MUSK: variants seen among roughly 807,000 people sequenced by gnomAD.
The protein encoded by MUSK is muscle associated receptor tyrosine kinase, also known as muscle, skeletal receptor tyrosine-protein kinase.
Under a neutral mutation model 88.7 loss-of-function variants are expected in MUSK, and 55 were observed. That is an observed-to-expected ratio of 0.62 (90% CI 0.50 to 0.78). The LOEUF (loss-of-function observed/expected upper bound fraction) is 0.78. Among genes scored for constraint, MUSK ranks in the 30% least tolerant of loss-of-function variants. The pLI is 0.00. For missense variants in MUSK, 1,015 were observed against 1,074.3 expected, an observed-to-expected ratio of 0.94 and a Z score of 0.77; for synonymous variants, 387 against 391.9, an observed-to-expected ratio of 0.99 and a Z score of 0.15.
At chr9:110,683,635 C>G (rs554388236) in intron 2 of MUSK, among the ~76,000 whole-genome samples, 1 of 152,048 alleles carries the variant, frequency 6.6e-6, no homozygotes, top group Non-Finnish European at 1.5e-5. Context: ...CACATCCTTG[C>G]GAGCATTTGT....
intron 5 of MUSK, among the ~76,000 whole-genome samples, chr9:110,713,180 A>T (rs185062960): frequency 8.9e-4 from 136 of 152,304 alleles, no homozygotes; most frequent in Non-Finnish European, 1.5e-3. Context: ...TAGTGGTGCT[A>T]TAAAAACAGA....
At chr9:110,689,226 TATAA>T (rs1480605623) in intron 3 of MUSK, among the ~76,000 whole-genome samples, 94 of 50,708 alleles carry the variant, frequency 1.9e-3, no homozygotes, top group African/African-American at 0.015. Context: ...ATATATAATA[TATAA>T]ATATATAAAT....
chr9:110,756,287 T>C (rs2077323386), intron 7 of MUSK, among the ~76,000 whole-genome samples: 1 of 151,734 alleles, frequency 6.6e-6, no homozygotes, highest in Non-Finnish European at 1.5e-5. Flanking sequence ...ATGTGGGAGA[T>C]TCTTTACTGG....
intron 1 of MUSK, among the ~76,000 whole-genome samples, chr9:110,670,403 A>G (rs1176573592): frequency 2.6e-5 from 4 of 152,196 alleles, no homozygotes; most frequent in African/African-American, 7.2e-5. Context: ...CATAAAAATG[A>G]TAGGGTTAAA....
At chr9:110,686,126 G>T (rs971572655) in intron 2 of MUSK, among the ~76,000 whole-genome samples, 2 of 152,102 alleles carry the variant, frequency 1.3e-5, no homozygotes, top group African/African-American at 2.4e-5. Context: ...GGAGGCTCTA[G>T]GGAAGAATCT....
rs41279051 is a variant in MUSK at position 110,697,375 on chromosome 9, C to A, written c.537C>A (p.Asn179Lys). The change falls in exon 5 of 15, where the codon AAC (asparagine) becomes AAA (lysine). Residue 179 changes from asparagine (N) to lysine (K), a missense_variant. By Grantham distance (94) the Asn-to-Lys change is moderately conservative. Coordinates refer to ENST00000374448, the MANE Select transcript of MUSK (RefSeq NM_005592.4). ...VLESGSLRIH[N>K]VQKEDAGQYR... ...AATCTGGGAGCTTGAGGATTCATAA[C>A]GTACAAAAGGAAGATGCAGGACAGT... The A allele has an allele frequency of 1.2e-6, 2 of 1,612,376 alleles. No individual in the cohort carries two copies. Among genetic ancestry groups the A allele is most frequent in the Non-Finnish European group, 1.7e-6 (2 of 1,179,040 alleles).
At chr9:110,787,280 T>A (rs1191836643) in intron 13 of MUSK, among the ~76,000 whole-genome samples, 1 of 144,948 alleles carries the variant, frequency 6.9e-6, no homozygotes, top group East Asian at 2.0e-4. Flanking sequence ...GAGAATGGTG[T>A]GAACCCAGTA....
At chr9:110,700,581 TG>T (rs2076488528) in intron 5 of MUSK, among the ~76,000 whole-genome samples, 1 of 152,120 alleles carries the variant, frequency 6.6e-6, no homozygotes, top group Non-Finnish European at 1.5e-5. Flanking sequence ...GAGCTATGTT[TG>T]GTGTGTAGAT....
At chr9:110,701,274 G>A (rs1488081371) in intron 5 of MUSK, among the ~76,000 whole-genome samples, 1 of 152,108 alleles carries the variant, frequency 6.6e-6, no homozygotes. Flanking sequence ...TCCCTCCAGT[G>A]TTGCTCTGCT....
At chr9:110,767,006 A>C (rs964561181) in intron 8 of MUSK, among the ~76,000 whole-genome samples, 3 of 152,244 alleles carry the variant, frequency 2.0e-5, no homozygotes, top group African/African-American at 7.2e-5. Context: ...GTCTTCAGTT[A>C]TTATAGCAGA....
chr9:110,674,631 T>G (rs1277027319), intron 1 of MUSK, among the ~76,000 whole-genome samples: 4 of 152,168 alleles, frequency 2.6e-5, no homozygotes, highest in Admixed American at 6.5e-5. Context: ...ATTTTAGAGA[T>G]AGAGTCTTGC....
At chr9:110,693,802 AG>A (rs1316098010) in intron 3 of MUSK, among the ~76,000 whole-genome samples, 1 of 152,180 alleles carries the variant, frequency 6.6e-6, no homozygotes, top group Non-Finnish European at 1.5e-5. Flanking sequence ...GATCTTGTTC[AG>A]GGAACCTATG....
rs2078077132 is a variant in MUSK, at chr9:110,800,572, C to T, written c.2194C>T (p.Leu732=). The change falls in exon 15 of 15, where the codon CTG becomes TTG. Residue 732 remains leucine, a synonymous_variant. Coordinates refer to ENST00000374448, the MANE Select transcript of MUSK (RefSeq NM_005592.4). ...CCGAGATTTAGCCACCAGGAACTGC[C>T]TGGTGGGCGAGAACATGGTGGTGAA... ...VHRDLATRNC[L]VGENMVVKIA... The T allele has an allele frequency of 1.2e-6, 2 of 1,609,228 alleles. No homozygotes were observed. Among genetic ancestry groups the T allele is most frequent in the South Asian group, 2.2e-5 (2 of 90,874 alleles).
chr9:110,790,526 C>G (rs1368620965), intron 14 of MUSK, among the ~76,000 whole-genome samples: 1 of 152,144 alleles, frequency 6.6e-6, no homozygotes, highest in Non-Finnish European at 1.5e-5. Flanking sequence ...GGAATGGAAT[C>G]TTGGCACTGT....
At chr9:110,728,585 G>T in intron 5 of MUSK, 1 of 753,942 alleles carries the variant, frequency 1.3e-6, no homozygotes, top group South Asian at 1.6e-5. Context: ...TAATCTTGTT[G>T]CACAACTGAT....
At chr9:110,790,786 T>C (rs1486309460) in intron 14 of MUSK, among the ~76,000 whole-genome samples, 6 of 152,190 alleles carry the variant, frequency 3.9e-5, no homozygotes, top group Non-Finnish European at 8.8e-5. Context: ...ATAATATGAT[T>C]GGCAAGAACA....
chr9:110,757,702 A>G (rs572391545), intron 7 of MUSK, among the ~76,000 whole-genome samples: 1 of 151,656 alleles, frequency 6.6e-6, no homozygotes, highest in East Asian at 1.9e-4. Flanking sequence ...AAAAATATTT[A>G]GTGGAATGAA....
chr9:110,670,553 C>G (rs2075944376), intron 1 of MUSK, among the ~76,000 whole-genome samples: 1 of 152,174 alleles, frequency 6.6e-6, no homozygotes, highest in Non-Finnish European at 1.5e-5. Context: ...AATTGATTTT[C>G]ATTTCCAAAC....
At chr9:110,765,582 CT>C (rs35707244) in intron 8 of MUSK, among the ~76,000 whole-genome samples, 47,705 of 151,732 alleles carry the variant, frequency 0.31, 7,840 homozygotes, top group East Asian at 0.57. Flanking sequence ...GAAAGCAATC[CT>C]TTTTTTCTGA....
Sources: allele counts gnomAD v4.1 joint callset (sites outside exome capture counted in the v4.1 genomes callset), GRCh38; gene constraint gnomAD v4.1.1; transcripts MANE v1.5; gene names NCBI Gene and HGNC (gene_info 2026-07-23, HGNC 2026-07-21).